Variants in COG7 observed in about 807,000 individuals in gnomAD.
COG7 encodes component of oligomeric golgi complex 7.
Under a neutral mutation model 91.5 loss-of-function variants are expected in COG7, and 49 were observed. That is an observed-to-expected ratio of 0.54 (90% confidence interval 0.43 to 0.68). The LOEUF (loss-of-function observed/expected upper bound fraction) is 0.68. COG7 is among the 30% of genes least tolerant of loss of function. The pLI, the probability that COG7 is intolerant of heterozygous loss-of-function variation, is 0.00. For missense variants in COG7, 895 were observed against 961.3 expected, an observed-to-expected ratio of 0.93 and a Z score of 0.91; for synonymous variants, 365 against 388.7, an observed-to-expected ratio of 0.94 and a Z score of 0.72.
At chr16:23,392,321 ACT>A in intron 16 of COG7, 57 bp downstream of exon 16, 1 of 1,611,864 alleles carries the variant, frequency 6.2e-7, no homozygotes, top group Non-Finnish European at 8.5e-7. Flanking sequence ...CAAAGGAGAA[ACT>A]GACAGATGCA....
At chr16:23,431,683 C>T (rs949535018) in intron 6 of COG7, among the ~76,000 whole-genome samples, 6 of 151,800 alleles carry the variant, frequency 4.0e-5, no homozygotes, top group South Asian at 2.1e-4. Context: ...GTGGCGGATG[C>T]CTGTAATCCC....
chr16:23,418,624 A>G, intron 8 of COG7, 76 bp downstream of exon 8: 4 of 1,429,162 alleles, frequency 2.8e-6, no homozygotes, highest in Non-Finnish European at 3.9e-6. Context: ...CCCAACCCCC[A>G]GCCCTCTCCC....
chr16:23,439,862 A>C (rs1964072329), intron 4 of COG7, among the ~76,000 whole-genome samples: 2 of 152,172 alleles, frequency 1.3e-5, no homozygotes, highest in African/African-American at 4.8e-5. Context: ...TGTTACATGC[A>C]TTTTGCCACA....
intron 6 of COG7, among the ~76,000 whole-genome samples, chr16:23,430,645 G>T (rs1237569493): frequency 6.6e-6 from 1 of 151,574 alleles, no homozygotes; most frequent in Non-Finnish European, 1.5e-5. Context: ...AGGTTCAAGC[G>T]ATTCTCCTGC....
chr16:23,400,361 C>T (rs760625989), intron 13 of COG7, among the ~76,000 whole-genome samples: 6 of 152,128 alleles, frequency 3.9e-5, no homozygotes, highest in Non-Finnish European at 8.8e-5. Context: ...GACAGCAATC[C>T]TTGGTGGTTT....
intron 7 of COG7, among the ~76,000 whole-genome samples, chr16:23,420,160 G>T (rs1246421163): frequency 1.3e-5 from 2 of 152,074 alleles, no homozygotes; most frequent in Non-Finnish European, 2.9e-5. Context: ...ATACCCCATA[G>T]CCCAGGCATT....
intron 14 of COG7, among the ~76,000 whole-genome samples, chr16:23,397,710 T>C (rs1485673224): frequency 6.6e-6 from 1 of 152,208 alleles, no homozygotes. Flanking sequence ...CACACTACTC[T>C]TCTGAAAGTC....
intron 10 of COG7, among the ~76,000 whole-genome samples, chr16:23,411,038 T>C (rs1365961614): frequency 1.3e-5 from 2 of 152,166 alleles, no homozygotes; most frequent in African/African-American, 4.8e-5. Flanking sequence ...AAAAAATGTA[T>C]CACTTAATAT....
chr16:23,424,162 T>C (rs1963805529), intron 7 of COG7, among the ~76,000 whole-genome samples: 1 of 152,110 alleles, frequency 6.6e-6, no homozygotes, highest in African/African-American at 2.4e-5. Flanking sequence ...CCAGGCGTGG[T>C]GCTGCATGCC....
chr16:23,443,746 A>G (rs999110854), intron 3 of COG7, among the ~76,000 whole-genome samples: 2 of 152,298 alleles, frequency 1.3e-5, no homozygotes, highest in Admixed American at 1.3e-4. Flanking sequence ...AGTGAAAAGC[A>G]GTGTTCACAA....
In COG7 at chr16:23,424,895, C is replaced by T. The variant is rs946948166; in HGVS notation, c.863G>A (p.Gly288Glu). The T allele has an allele frequency of 2.5e-6, 4 of 1,613,902 alleles. No individual in the cohort carries two copies. Among genetic ancestry groups the T allele is most frequent in the Admixed American group, 3.3e-5 (2 of 59,960 alleles). Residue 288 changes from glycine (G) to glutamate (E), a missense_variant, in exon 7 of 17, where the codon GGG becomes GAG. By Grantham distance (98) the Gly-to-Glu change is moderately conservative. Coordinates refer to ENST00000307149, the MANE Select transcript of COG7 (RefSeq NM_153603.4). ...VVMVLLIQTLGALMPSLPSCL... is the reference protein window; with the variant it reads ...VVMVLLIQTLEALMPSLPSCL... ...GGAGGGCAGCGAGGGCATGAGGGCC[C>T]CCAGGGTCTGAATCAGCAGCACCAT...
At chr16:23,391,020 G>A (rs780624188) in intron 16 of COG7, among the ~76,000 whole-genome samples, 1 of 152,348 alleles carries the variant, frequency 6.6e-6, no homozygotes, top group South Asian at 2.1e-4. Flanking sequence ...AGGTGTGCAT[G>A]CTTTGCCACA....
intron 6 of COG7, among the ~76,000 whole-genome samples, chr16:23,430,223 G>A (rs1439659759): frequency 6.6e-6 from 1 of 152,150 alleles, no homozygotes; most frequent in Non-Finnish European, 1.5e-5. Flanking sequence ...GAGCCCAGGA[G>A]TTCAAGACCA....
rs755227800 is a variant in COG7 at position 23,445,847 on chromosome 16, T to A, written c.284A>T (p.Lys95Ile). The A allele has an allele frequency of 6.2e-7, 1 of 1,614,054 alleles. No homozygotes were observed. Among genetic ancestry groups the A allele is most frequent in the Non-Finnish European group, 8.5e-7 (1 of 1,179,980 alleles). The stretch of plus-strand genomic sequence containing the variant: ...TTGAGATGTGTCCTGTTCAAATTTT[T>A]TAATGTCCTCCTTGACAAGAATCAT... Reference protein sequence around the residue: ...EQMILVKEDIKKFEQDTSQSM... With the variant: ...EQMILVKEDIIKFEQDTSQSM... Residue 95 changes from lysine to isoleucine, a missense_variant, in exon 2 of 17, where the codon AAA (lysine) becomes ATA (isoleucine). Physicochemically the swap from Lys to Ile is moderately radical, Grantham distance 102 (BLOSUM62 -3). Transcript: ENST00000307149.
chr16:23,392,634 C>T, intron 15 of COG7, 111 bp from the exon 16 acceptor site: 1 of 1,333,294 alleles, frequency 7.5e-7, no homozygotes, highest in South Asian at 1.2e-5. Flanking sequence ...AAACCGAAAA[C>T]AGTTACATCT....
chr16:23,410,831 AAGTAGCTGG>A (rs1963550554), intron 10 of COG7, among the ~76,000 whole-genome samples: 1 of 151,968 alleles, frequency 6.6e-6, no homozygotes, highest in Non-Finnish European at 1.5e-5. Flanking sequence ...TCAGCCTCCC[AAGTAGCTGG>A]GATTACAGGC....
chr16:23,438,626 T>C (rs1433287658), intron 4 of COG7, among the ~76,000 whole-genome samples: 1 of 151,680 alleles, frequency 6.6e-6, no homozygotes. Context: ...AATATACAAA[T>C]AGTCAATAAG....
intron 7 of COG7, among the ~76,000 whole-genome samples, chr16:23,422,372 A>G (rs958378979): frequency 6.6e-5 from 10 of 151,696 alleles, no homozygotes; most frequent in African/African-American, 2.4e-4. Context: ...ATTTAATGAC[A>G]TAAGAAAATG....
At chr16:23,402,677 G>T (rs1266586250) in intron 13 of COG7, among the ~76,000 whole-genome samples, 1 of 152,156 alleles carries the variant, frequency 6.6e-6, no homozygotes, top group African/African-American at 2.4e-5. Context: ...TCCACTTTAC[G>T]TCCCCTTCTG....
Sources: allele counts gnomAD v4.1 joint callset (sites outside exome capture counted in the v4.1 genomes callset), GRCh38; gene constraint gnomAD v4.1.1; transcripts MANE v1.5; gene names NCBI Gene and HGNC (gene_info 2026-07-23, HGNC 2026-07-21).